Variants in AFF2 observed in about 807,000 individuals in gnomAD.
AFF2 encodes the protein ALF transcription elongation factor 2.
Under a neutral mutation model 76.9 loss-of-function variants are expected in AFF2, and 14 were observed. That is an observed-to-expected ratio of 0.18 (90% CI 0.12 to 0.28). The LOEUF is 0.28. Among genes scored for constraint, AFF2 ranks in the 10% least tolerant of loss-of-function variants. AFF2 has a pLI of 1.00. For synonymous variants in AFF2, 398 were observed against 366.7 expected, an observed-to-expected ratio of 1.09 and a Z score of -0.98; for missense variants, 868 against 1,001.1, an observed-to-expected ratio of 0.87 and a Z score of 1.79.
At position 148,959,827 on chromosome X, in the gene AFF2, C is replaced by T. The variant is rs1460008472; in HGVS notation, c.2690+1369C>T. On this transcript the variant is annotated intron_variant, in intron 12 of 20. Coordinates refer to ENST00000370460, the MANE Select transcript of AFF2 (RefSeq NM_002025.4). ...ACGTGGTCATTCCAGAGCCCTCCTT[C>T]GTTGTTTGCAAGGAGGAAGGACTAA... Among the ~76,000 whole-genome samples the T allele has an allele frequency of 7.1e-5, 8 of 112,253 alleles. No individual in the cohort carries two copies. In the Admixed American group the frequency reaches 7.5e-4, roughly 11 times the overall value.
At chrX:148,856,153 G>A (rs1363673203) in intron 7 of AFF2, among the ~76,000 whole-genome samples, 1 of 111,554 alleles carries the variant, frequency 9.0e-6, no homozygotes, top group Non-Finnish European at 1.9e-5. Flanking sequence ...TGGCTAGAAC[G>A]TCTTAAATGT....
chrX:148,809,804 C>G, intron 3 of AFF2, 72 bp from the exon 4 acceptor site: 1 of 1,042,921 alleles, frequency 9.6e-7, no homozygotes, highest in Non-Finnish European at 1.3e-6. Context: ...TACAGTTTGT[C>G]CTACAGAGTA....
At chrX:148,568,674 T>C (rs1235103856) in intron 1 of AFF2, among the ~76,000 whole-genome samples, 1 of 112,060 alleles carries the variant, frequency 8.9e-6, no homozygotes, top group Non-Finnish European at 1.9e-5. Flanking sequence ...TATTGGCATG[T>C]CAATATATTA....
At chrX:148,948,688 G>A (rs1235971858) in intron 9 of AFF2, among the ~76,000 whole-genome samples, 1 of 110,747 alleles carries the variant, frequency 9.0e-6, no homozygotes. Context: ...TTGTGCCTGT[G>A]GAATGAGGTC....
chrX:148,744,804 G>T (rs73605922), intron 3 of AFF2, among the ~76,000 whole-genome samples: 1 of 111,255 alleles, frequency 9.0e-6, no homozygotes. Flanking sequence ...TTTCACAGAC[G>T]GATGGAGAGA....
At chrX:148,869,446 C>T (rs2070945659) in intron 7 of AFF2, among the ~76,000 whole-genome samples, 1 of 112,394 alleles carries the variant, frequency 8.9e-6, no homozygotes, top group Non-Finnish European at 1.9e-5. Flanking sequence ...TACATACATA[C>T]ATACTTAAAC....
At chrX:148,578,783 C>T (rs1436183660) in intron 1 of AFF2, among the ~76,000 whole-genome samples, 8 of 111,945 alleles carry the variant, frequency 7.1e-5, no homozygotes, top group Non-Finnish European at 1.5e-4. Context: ...TGAATATGGA[C>T]TGTGAAACAT....
rs782560256 is a variant in AFF2 at position 148,718,373 on chromosome X, G to A, written c.1041+55605G>A. On this transcript the variant is annotated intron_variant, in intron 3 of 20. Coordinates refer to ENST00000370460, the MANE Select transcript of AFF2 (RefSeq NM_002025.4). Reference sequence around the variant, plus strand: ...CAGAAACACTTATAAATAATTGAGCGAGGCAATGATGTGAACTGGGAAGGG... The same window carrying A: ...CAGAAACACTTATAAATAATTGAGCAAGGCAATGATGTGAACTGGGAAGGG... Among the ~76,000 whole-genome samples the A allele has an allele frequency of 5.4e-5, 6 of 110,794 alleles. No homozygotes were observed. In the East Asian group the frequency reaches 8.6e-4, roughly 16 times the overall value.
intron 20 of AFF2, among the ~76,000 whole-genome samples, chrX:148,989,661 C>T (rs2072512985): frequency 8.9e-6 from 1 of 112,455 alleles, no homozygotes. Flanking sequence ...TGAAGAGCTT[C>T]CCTTTTGGTT....
At position 148,987,413 on chromosome X, in the gene AFF2, G is replaced by A. The variant is rs374197610; in HGVS notation, c.3670G>A (p.Ala1224Thr). 2.2e-5 allele frequency: 27 copies of A among 1,208,358 alleles called. No individual in the cohort carries two copies. The highest frequency in any genetic ancestry group is 1.5e-4 in the Admixed American group (7 of 45,658). Residue 1224 changes from alanine (A) to threonine (T), a missense_variant, in exon 20 of 21, where the codon GCA becomes ACA. Ala to Thr is a moderately conservative substitution (Grantham distance 58). This residue lies in a region of AFF2 where 46 missense variants were observed against 40.8 expected (regional missense o/e 1.13). Coordinates refer to ENST00000370460, the MANE Select transcript of AFF2 (RefSeq NM_002025.4). ...VSLNNVSPIN[A>T]MGNCNNGPVT... is the part of the protein sequence containing the mutation. ...TCTCAACAACGTCTCCCCCATCAAC[G>A]CAATGGGGAACTGTAACAATGGCCC...
chrX:148,799,393 A>T (rs1212935568), intron 3 of AFF2, among the ~76,000 whole-genome samples: 3 of 111,813 alleles, frequency 2.7e-5, no homozygotes, highest in Non-Finnish European at 5.6e-5. Flanking sequence ...CAGTTTACTT[A>T]TCAGGAGAAC....
At chrX:148,560,838 G>T (rs1005596575) in intron 1 of AFF2, among the ~76,000 whole-genome samples, 1 of 110,602 alleles carries the variant, frequency 9.0e-6, no homozygotes, top group Non-Finnish European at 1.9e-5. Flanking sequence ...TTTTTTTCTG[G>T]GGGGGGCACC....
intron 4 of AFF2, among the ~76,000 whole-genome samples, chrX:148,811,011 C>T (rs1331219687): frequency 1.8e-5 from 2 of 111,243 alleles, no homozygotes; most frequent in South Asian, 3.9e-4. Flanking sequence ...GCTTGCCACC[C>T]GGAGTATACC....
chrX:148,890,093 A>G (rs1250666571), intron 8 of AFF2, among the ~76,000 whole-genome samples: 2 of 112,149 alleles, frequency 1.8e-5, no homozygotes, highest in Non-Finnish European at 3.8e-5. Flanking sequence ...TCTATCCTGT[A>G]TATGGCAAAC....
intron 1 of AFF2, among the ~76,000 whole-genome samples, chrX:148,651,322 CCA>C (rs2124455986): frequency 8.9e-6 from 1 of 111,843 alleles, no homozygotes; most frequent in African/African-American, 3.2e-5. Flanking sequence ...TTTTTTTCAT[CCA>C]CAGTTAGTCA....
chrX:148,715,693 A>G (rs1000396991), intron 3 of AFF2, among the ~76,000 whole-genome samples: 9 of 112,345 alleles, frequency 8.0e-5, no homozygotes, highest in Non-Finnish European at 1.1e-4. Context: ...GCTCAACAGC[A>G]TAGGTATGAA....
At chrX:148,688,013 G>T (rs1338975163) in intron 3 of AFF2, among the ~76,000 whole-genome samples, 2 of 110,674 alleles carry the variant, frequency 1.8e-5, no homozygotes, top group African/African-American at 6.6e-5. Context: ...TATGCCAGAA[G>T]CCTGGAATCA....
At chrX:148,726,467 T>A (rs2055156516) in intron 3 of AFF2, among the ~76,000 whole-genome samples, 1 of 111,908 alleles carries the variant, frequency 8.9e-6, no homozygotes, top group Non-Finnish European at 1.9e-5. Context: ...AAGACCAACC[T>A]TATAAAAAAG....
chrX:148,750,759 A>C (rs1390819963), intron 3 of AFF2, among the ~76,000 whole-genome samples: 3 of 112,155 alleles, frequency 2.7e-5, no homozygotes, highest in Non-Finnish European at 5.6e-5. Flanking sequence ...TGCAAAGATT[A>C]AAAAAATGAG....
Sources: gnomAD v4.1 joint callset for allele counts (sites outside exome capture counted in the v4.1 genomes callset) on GRCh38, gnomAD v4.1.1 for gene constraint, gnomAD v4.1.1 regional missense constraint, MANE v1.5 for transcripts, NCBI Gene and HGNC (gene_info 2026-07-23, HGNC 2026-07-21) for gene names.